TRMT11: variants seen among roughly 807,000 people sequenced by gnomAD.
TRMT11 encodes the protein tRNA methyltransferase 11.
A neutral mutation model predicts 62.8 loss-of-function variants in TRMT11; 53 were observed. That is an observed-to-expected ratio of 0.84 (90% CI 0.68 to 1.06). The LOEUF (loss-of-function observed/expected upper bound fraction) is 1.06. TRMT11 is among the 50% of genes least tolerant of loss of function. TRMT11 has a pLI of 0.00. For missense variants in TRMT11, 556 were observed against 553.4 expected (o/e 1.00, Z -0.05); for synonymous variants, 188 against 190.3 (o/e 0.99, Z 0.10).
chr6:126,073,745 G>A (rs1000599626), intron 17 of TRMT11, among the ~76,000 whole-genome samples: 3 of 152,032 alleles, frequency 2.0e-5, no homozygotes, highest in Non-Finnish European at 4.4e-5. Context: ...CAGTGTCTTA[G>A]GGAGGACTCT....
the TRMT11 span, among the ~76,000 whole-genome samples, chr6:126,240,972 A>G: frequency 1.3e-5 from 2 of 152,240 alleles, no homozygotes; most frequent in African/African-American, 2.4e-5. Context: ...TGTGCCAGCA[A>G]TGAGCGAGGC....
chr6:126,010,031 CT>C (rs375634299), intron 8 of TRMT11, among the ~76,000 whole-genome samples: 16 of 148,448 alleles, frequency 1.1e-4, no homozygotes, highest in East Asian at 7.8e-4. Flanking sequence ...AAGTACAAAA[CT>C]TTTTTTTTTG....
chr6:126,088,636 A>G (rs1330952659), intron 17 of TRMT11, among the ~76,000 whole-genome samples: 1 of 152,220 alleles, frequency 6.6e-6, no homozygotes, highest in Non-Finnish European at 1.5e-5. Flanking sequence ...AAAGCTATAT[A>G]TGAACTTTTA....
chr6:126,131,301 C>T (rs879800111), intron 21 of TRMT11, among the ~76,000 whole-genome samples: 9 of 151,932 alleles, frequency 5.9e-5, no homozygotes, highest in Admixed American at 5.9e-4. Context: ...AAAACTTGCA[C>T]CCCCATAGAC....
intron 17 of TRMT11, among the ~76,000 whole-genome samples, chr6:126,095,649 G>A (rs1312044855): frequency 3.3e-5 from 5 of 152,106 alleles, no homozygotes; most frequent in Admixed American, 2.0e-4. Flanking sequence ...GGGGTTTGTG[G>A]TCTACTTGGG....
intron 1 of TRMT11, among the ~76,000 whole-genome samples, chr6:126,179,984 G>A (rs2128240420): frequency 6.6e-6 from 1 of 152,120 alleles, no homozygotes; most frequent in African/African-American, 2.4e-5. Flanking sequence ...TATAAGAAAG[G>A]AGAAAAACCT....
chr6:126,251,282 G>A, the TRMT11 span, among the ~76,000 whole-genome samples: 21 of 151,864 alleles, frequency 1.4e-4, no homozygotes, highest in Non-Finnish European at 2.5e-4. Flanking sequence ...ACCTGCCTCG[G>A]CCTCCCAAAG....
At chr6:126,263,766 A>G in the TRMT11 span, among the ~76,000 whole-genome samples, 1 of 152,212 alleles carries the variant, frequency 6.6e-6, no homozygotes, top group African/African-American at 2.4e-5. Context: ...CCAAAACTGC[A>G]GAGAGAGGCA....
intron 1 of TRMT11, among the ~76,000 whole-genome samples, chr6:126,184,044 GC>G (rs1465848881): frequency 2.0e-5 from 3 of 152,090 alleles, no homozygotes; most frequent in Admixed American, 6.6e-5. Flanking sequence ...ATTTATTAAT[GC>G]CCTAATATAT....
At chr6:126,176,375 C>T (rs1778384845), upstream of TRMT11, among the ~76,000 whole-genome samples, 1 of 151,898 alleles carries the variant, frequency 6.6e-6, no homozygotes. Flanking sequence ...GTCCATTCAA[C>T]CCAGCCATTA....
At chr6:125,994,124 G>A (rs181406800) in intron 2 of TRMT11, among the ~76,000 whole-genome samples, 15 of 152,278 alleles carry the variant, frequency 9.9e-5, no homozygotes, top group African/African-American at 3.1e-4. Context: ...TTTAGAATTT[G>A]GCAGAATGTT....
At chr6:126,148,088 A>T (rs2128219623) in intron 21 of TRMT11, among the ~76,000 whole-genome samples, 1 of 152,314 alleles carries the variant, frequency 6.6e-6, no homozygotes, top group East Asian at 1.9e-4. Flanking sequence ...GCTCTATATA[A>T]AATTTAGAAA....
At chr6:126,119,534 G>T (rs1305548537) in intron 21 of TRMT11, among the ~76,000 whole-genome samples, 8 of 151,590 alleles carry the variant, frequency 5.3e-5, no homozygotes, top group African/African-American at 1.9e-4. Flanking sequence ...GTTGGGGAAA[G>T]GTGTGGAAAG....
the TRMT11 span, among the ~76,000 whole-genome samples, chr6:126,224,142 T>C: frequency 6.6e-6 from 1 of 152,216 alleles, no homozygotes; most frequent in African/African-American, 2.4e-5. Flanking sequence ...TCTATGTCTG[T>C]CATTTCAGTC....
At chr6:126,087,369 G>A (rs994586292) in intron 17 of TRMT11, among the ~76,000 whole-genome samples, 1 of 152,160 alleles carries the variant, frequency 6.6e-6, no homozygotes, top group Non-Finnish European at 1.5e-5. Flanking sequence ...CTACTTTAAA[G>A]TAAGTACTGC....
chr6:126,221,618 G>T, the TRMT11 span, among the ~76,000 whole-genome samples: 1 of 152,108 alleles, frequency 6.6e-6, no homozygotes, highest in African/African-American at 2.4e-5. Context: ...TTGCTAATTT[G>T]TTTAAGTTCC....
chr6:126,040,106 AG>A (rs1775830162), downstream of TRMT11, among the ~76,000 whole-genome samples: 1 of 151,980 alleles, frequency 6.6e-6, no homozygotes, highest in South Asian at 2.1e-4. Flanking sequence ...AAATGTTTCG[AG>A]GTTATATGGG....
At chr6:126,008,874 G>T in intron 8 of TRMT11, 10 of 340,096 alleles carry the variant, frequency 2.9e-5, no homozygotes, top group South Asian at 5.0e-5. Context: ...AGTTTTATAT[G>T]GCATTATTTT....
chr6:126,111,139 T>A (rs2128187732), intron 17 of TRMT11, among the ~76,000 whole-genome samples: 1 of 152,172 alleles, frequency 6.6e-6, no homozygotes, highest in East Asian at 1.9e-4. Context: ...TCTTCTGCCA[T>A]GGCTCAGACC....
Sources: allele counts gnomAD v4.1 joint callset (sites outside exome capture counted in the v4.1 genomes callset), GRCh38; gene constraint gnomAD v4.1.1; transcripts MANE v1.5; gene names NCBI Gene and HGNC (gene_info 2026-07-23, HGNC 2026-07-21).